TRPV4: variants seen among roughly 807,000 people sequenced by gnomAD.
TRPV4 encodes OSM9-like transient receptor potential channel 4.
A neutral mutation model predicts 84.1 loss-of-function variants in TRPV4; 58 were observed. The ratio of observed to expected loss-of-function variants is 0.69; its 90% CI spans 0.56 to 0.86. The LOEUF (loss-of-function observed/expected upper bound fraction) is 0.86. Ranked by LOEUF, TRPV4 falls within the 40% of genes least tolerant of loss-of-function variation. The pLI is 0.00. For synonymous variants in TRPV4, 489 were observed against 500.9 expected, an observed-to-expected ratio of 0.98 and a Z score of 0.32; for missense variants, 879 against 1,181.1, an observed-to-expected ratio of 0.74 and a Z score of 3.75.
rs768593770 is a variant in TRPV4 at position 109,798,662 on chromosome 12, G to A, written c.1104C>T (p.Asn368=). The A allele has an allele frequency of 3.9e-5, 63 of 1,613,228 alleles. No individual in the cohort carries two copies. Among genetic ancestry groups the A allele is most frequent in the Non-Finnish European group, 4.7e-5 (56 of 1,180,028 alleles). The change falls in exon 6 of 16, where the codon AAC becomes AAT. Residue 368 remains asparagine, a synonymous_variant. Transcript: ENST00000261740. The surrounding 1 kb of genome is among the most constrained non-coding windows in gnomAD (Gnocchi z 5.0). ...CCATCATGAGGGGCGAGAGGCCGTC[G>A]TTGTTGAGCACGGCCTCCAGGTTGC... ...PDSNLEAVLN[N]DGLSPLMMAA...
intron 3 of TRPV4, among the ~76,000 whole-genome samples, chr12:109,803,349 G>T (rs187430336): frequency 1.3e-5 from 2 of 152,192 alleles, no homozygotes; most frequent in African/African-American, 4.8e-5. Flanking sequence ...TACAATAAAC[G>T]CATGGGGTTA....
At position 109,815,839 on chromosome 12, in the gene TRPV4, A is replaced by G. The variant is rs951845792; in HGVS notation, c.-31-1012T>C. On this transcript the variant is annotated intron_variant, in intron 1 of 15. Transcript: ENST00000261740. The surrounding 1 kb of genome is among the most constrained non-coding windows in gnomAD (Gnocchi z 4.1). Reference sequence around the variant, plus strand: ...TGAGGAAGCAGCTTTCAAAGGCAGCAAACAGCTTGCAGGAAGAAGAGCTGG... The same window carrying G: ...TGAGGAAGCAGCTTTCAAAGGCAGCGAACAGCTTGCAGGAAGAAGAGCTGG... Among the ~76,000 whole-genome samples, 1 of 152,242 alleles carries G rather than the reference A, an allele frequency of 6.6e-6. No individual in the cohort carries two copies. The highest frequency in any genetic ancestry group is 2.4e-5 in the African/African-American group (1 of 41,470).
At chr12:109,804,665 G>A (rs988999046) in intron 3 of TRPV4, among the ~76,000 whole-genome samples, 5 of 152,216 alleles carry the variant, frequency 3.3e-5, no homozygotes, top group Non-Finnish European at 7.3e-5. Context: ...GAGCAGGGTT[G>A]TTTGGGACAA....
At chr12:109,804,047 T>C (rs1011613385) in intron 3 of TRPV4, among the ~76,000 whole-genome samples, 7 of 152,104 alleles carry the variant, frequency 4.6e-5, no homozygotes, top group Admixed American at 2.0e-4. Context: ...TGAACTGACC[T>C]TAGGGGATCC....
rs1487006340 is a variant in TRPV4 at position 109,800,887 on chromosome 12, G to A, written c.713-129C>T. The A allele has an allele frequency of 4.8e-5, 41 of 862,192 alleles. 2 individuals are homozygous for A. The highest frequency in any genetic ancestry group is 6.5e-4 in the Middle Eastern group (2 of 3,058). 53.4% of individuals were successfully genotyped at this position (862,192 alleles called of 1,614,324 possible). On this transcript the variant is annotated intron_variant, in intron 4 of 15. Transcript: ENST00000261740. ...GGATGCAGGCAGAGTCCTGCCCAGC[G>A]ACACCCAAGGGCAGCAAATAGGTCC... is the stretch of plus-strand genomic sequence containing the variant.
chr12:109,809,366 C>T (rs1198675262), intron 2 of TRPV4, among the ~76,000 whole-genome samples: 1 of 148,460 alleles, frequency 6.7e-6, no homozygotes, highest in Non-Finnish European at 1.5e-5. Context: ...CACCTACCCA[C>T]CCATCATCCA....
chr12:109,799,041 A>T, intron 5 of TRPV4, 129 bp from the exon 6 acceptor site: 2 of 890,622 alleles, frequency 2.2e-6, no homozygotes, highest in Non-Finnish European at 3.4e-6. Context: ...AGCAGTGGAT[A>T]TGAACTGCAC....
At chr12:109,812,207 G>A (rs1891562079) in intron 2 of TRPV4, among the ~76,000 whole-genome samples, 1 of 152,220 alleles carries the variant, frequency 6.6e-6, no homozygotes, top group Non-Finnish European at 1.5e-5. Context: ...TAACACACTG[G>A]GGGAGGATGG....
chr12:109,826,278 C>CT (rs1892249280), intron 1 of TRPV4, among the ~76,000 whole-genome samples: 1 of 152,244 alleles, frequency 6.6e-6, no homozygotes, highest in Non-Finnish European at 1.5e-5. Flanking sequence ...CACACCTTGG[C>CT]CTCCCAAAGT....
chr12:109,794,005 G>A lies in TRPV4; in HGVS notation c.1509C>T (p.Arg503=), dbSNP rs892473691. The stretch of plus-strand genomic sequence containing the variant: ...CCAGCCGCAGGTAGTCCACCGTGGT[G>A]CGGTAAGGGTACGGCGGCTGGGGAG... ...PLEGTPPYPY[R]TTVDYLRLAG... is the part of the protein sequence containing the mutation. Residue 503 remains arginine, a synonymous_variant, in exon 9 of 16, where the codon CGC becomes CGT. Coordinates refer to ENST00000261740, the MANE Select transcript of TRPV4 (RefSeq NM_021625.5). The A allele has an allele frequency of 1.2e-6, 2 of 1,608,826 alleles. No homozygotes were observed. Among genetic ancestry groups the A allele is most frequent in the African/African-American group, 1.3e-5 (1 of 74,876 alleles).
At chr12:109,808,822 C>T (rs1323357409) in intron 2 of TRPV4, among the ~76,000 whole-genome samples, 2 of 150,786 alleles carry the variant, frequency 1.3e-5, no homozygotes, top group African/African-American at 2.5e-5. Flanking sequence ...ATCTATCCAC[C>T]CATCCATCCA....
At chr12:109,809,439 TCCAC>T (rs984870990) in intron 2 of TRPV4, among the ~76,000 whole-genome samples, 4 of 141,752 alleles carry the variant, frequency 2.8e-5, no homozygotes, top group South Asian at 2.4e-4. Flanking sequence ...CATCCATCCA[TCCAC>T]CCACTCATCC....
chr12:109,792,541 G>T, intron 11 of TRPV4, 111 bp downstream of exon 11: 1 of 1,571,792 alleles, frequency 6.4e-7, no homozygotes, highest in Non-Finnish European at 8.8e-7. Flanking sequence ...CATGCCTCCT[G>T]CCCCCACGGT....
At position 109,833,106 on chromosome 12, in the gene TRPV4, A is replaced by G. The variant is rs1010681551; in HGVS notation, c.-32+244T>C. Among the ~76,000 whole-genome samples the G allele has an allele frequency of 1.4e-4, 22 of 152,030 alleles. 1 individual carries two copies. Among genetic ancestry groups the G allele is most frequent in the Admixed American group, 9.2e-4 (14 of 15,278 alleles). On this transcript the variant is annotated intron_variant, in intron 1 of 15. Transcript: ENST00000261740. Reference sequence around the variant, plus strand: ...GCCCTCCCCCCAGACCTGCTACCCCAGGCCCCACGTTGGTGCCCATTTCAC... The same window carrying G: ...GCCCTCCCCCCAGACCTGCTACCCCGGGCCCCACGTTGGTGCCCATTTCAC...
intron 3 of TRPV4, among the ~76,000 whole-genome samples, chr12:109,807,767 G>A (rs971336857): frequency 6.6e-6 from 1 of 152,150 alleles, no homozygotes; most frequent in Admixed American, 6.5e-5. Context: ...AGCCTAGGAA[G>A]TGGAGCCCTA....
At chr12:109,788,278 T>G in intron 13 of TRPV4, 122 bp downstream of exon 13, 1 of 946,790 alleles carries the variant, frequency 1.1e-6, no homozygotes, top group Non-Finnish European at 1.6e-6. Context: ...GACAGAGAAG[T>G]GGAGGGAGAA....
intron 1 of TRPV4, among the ~76,000 whole-genome samples, chr12:109,822,763 G>GA (rs373820174): frequency 1.6e-3 from 251 of 152,236 alleles, no homozygotes; most frequent in African/African-American, 5.8e-3. Context: ...TTCCTCACCT[G>GA]AAAAATGGCA....
At chr12:109,832,339 C>A (rs966304657) in intron 1 of TRPV4, 8 of 152,376 alleles carry the variant, frequency 5.3e-5, no homozygotes, top group African/African-American at 1.7e-4. Context: ...GCTCCGGAGC[C>A]AAAGTGGCAA....
At chr12:109,822,995 C>T (rs559653540) in intron 1 of TRPV4, among the ~76,000 whole-genome samples, 85 of 152,268 alleles carry the variant, frequency 5.6e-4, no homozygotes, top group African/African-American at 2.0e-3. Context: ...GAAGGCAGAG[C>T]GGCCAGATCC....
Sources: gnomAD v4.1 joint callset for allele counts (sites outside exome capture counted in the v4.1 genomes callset) on GRCh38, gnomAD v4.1.1 for gene constraint, Gnocchi (gnomAD v3.1) non-coding constraint, MANE v1.5 for transcripts, NCBI Gene and HGNC (gene_info 2026-07-23, HGNC 2026-07-21) for gene names.